TNRC18: variants seen among roughly 807,000 people sequenced by gnomAD.
TNRC18 encodes trinucleotide repeat containing 18.
Under a neutral mutation model 226.7 loss-of-function variants are expected in TNRC18, and 69 were observed. That is an observed-to-expected ratio of 0.30 (90% confidence interval 0.25 to 0.37). The LOEUF is 0.37. Ranked by LOEUF, TNRC18 falls within the 10% of genes least tolerant of loss-of-function variation. The probability of loss-of-function intolerance (pLI) is 1.00; values close to 1 mark genes in which losing one functional copy is unlikely to be tolerated. For synonymous variants in TNRC18, 2,449 were observed against 1,927.6 expected, an observed-to-expected ratio of 1.27 and a Z score of -7.09; for missense variants, 4,754 against 4,256.6, an observed-to-expected ratio of 1.12 and a Z score of -3.25.
At position 5,333,029 on chromosome 7, in the gene TNRC18, C is replaced by T. The variant is rs1789712362; in HGVS notation, c.5740G>A (p.Asp1914Asn). ...SLLGTEFEYT[D>N]SESEVKVRKR... ...CGCACCTTGACCTCGCTCTCTGAGTCGGTGTACTCGAACTCTGTGCCTGAA... is the reference window on the plus strand; with the variant it reads ...CGCACCTTGACCTCGCTCTCTGAGTTGGTGTACTCGAACTCTGTGCCTGAA... Residue 1914 changes from aspartate (D) to asparagine (N), a missense_variant, in exon 19 of 30, where the codon GAC (aspartate) becomes AAC (asparagine). Physicochemically the swap from Asp to Asn is conservative, Grantham distance 23. Coordinates refer to ENST00000430969, the MANE Select transcript of TNRC18 (RefSeq NM_001080495.3). 6.3e-7 allele frequency: 1 copy of T among 1,577,448 alleles called. No homozygotes were observed. Among genetic ancestry groups the T allele is most frequent in the South Asian group, 1.1e-5 (1 of 87,488 alleles).
At chr7:5,365,026 GGGGGGC>G (rs150627195) in intron 11 of TNRC18, among the ~76,000 whole-genome samples, 39,716 of 151,696 alleles carry the variant, frequency 0.26, 5,124 homozygotes, top group Admixed American at 0.29. Flanking sequence ...GAATCATGTG[GGGGGGC>G]GGGGGCGGAA....
Position 5,361,706 on chromosome 7 carries a change from G to C in TNRC18, c.4549C>G (p.Pro1517Ala). 1 of 1,567,344 alleles carries C rather than the reference G, an allele frequency of 6.4e-7. No individual in the cohort carries two copies. Among genetic ancestry groups the C allele is most frequent in the Non-Finnish European group, 8.6e-7 (1 of 1,156,902 alleles). Residue 1517 changes from proline (P) to alanine (A), a missense_variant, in exon 14 of 30, where the codon CCC (proline) becomes GCC (alanine). Pro to Ala is a conservative substitution (Grantham distance 27). Transcript: ENST00000430969. ...CCTCTGCGTGCCAAGCTTCTATGGGGTTCCTCGCGCCTGTCCCTTAAAAAG... is the reference window on the plus strand; with the variant it reads ...CCTCTGCGTGCCAAGCTTCTATGGGCTTCCTCGCGCCTGTCCCTTAAAAAG... ...RRDSEDRREE[P>A]HRSLARRGPG...
rs767398229 is a variant in TNRC18, at chr7:5,313,419, C to G, written c.7472G>C (p.Gly2491Ala). 6.2e-7 allele frequency: 1 copy of G among 1,603,222 alleles called. No homozygotes were observed. The highest frequency in any genetic ancestry group is 8.5e-7 in the Non-Finnish European group (1 of 1,175,806). ...CAGGAGGCTCTTGGGCTCCTGCCAG[C>G]CCCCCGCCCCCGGATCCTCCCGGAG... ...LLLREDPGAGGWQEPKSLLSL... is the reference protein window; with the variant it reads ...LLLREDPGAGAWQEPKSLLSL... The change falls in exon 27 of 30, where the codon GGC becomes GCC. Residue 2491 changes from glycine (G) to alanine (A), a missense_variant. Transcript: ENST00000430969.
Position 5,332,848 on chromosome 7 carries a change from A to G in TNRC18, c.5921T>C (p.Leu1974Pro). 1 of 1,509,950 alleles carries G rather than the reference A, an allele frequency of 6.6e-7. No homozygotes were observed. Among genetic ancestry groups the G allele is most frequent in the Non-Finnish European group, 8.8e-7 (1 of 1,138,560 alleles). The allele number at this position is 1,509,950 out of a possible 1,614,324, so 93.5% of individuals were successfully genotyped here. Reference sequence around the variant, plus strand: ...GAAGCCAGGCTCCTTGGGGCCCCGCAGCTTCCGGGCCTTGCGCCCCTTCTC... The same window carrying G: ...GAAGCCAGGCTCCTTGGGGCCCCGCGGCTTCCGGGCCTTGCGCCCCTTCTC... ...AVEKGRKARK[L>P]RGPKEPGFEA... is the part of the protein sequence containing the mutation. The change falls in exon 19 of 30, where the codon CTG (leucine) becomes CCG (proline). Residue 1974 changes from leucine (L) to proline (P), a missense_variant. Transcript: ENST00000430969.
Position 5,307,518 on chromosome 7 carries a change from T to G in TNRC18, c.*588A>C, listed in dbSNP as rs1786665299. 2 of 446,960 alleles carry G rather than the reference T, an allele frequency of 4.5e-6. No individual in the cohort carries two copies. Among genetic ancestry groups the G allele is most frequent in the Non-Finnish European group, 9.0e-6 (2 of 222,844 alleles). The allele number at this position is 446,960 out of a possible 1,614,324, so 27.7% of individuals were successfully genotyped here. ...TCCACCTGGTGCCTTTGACAGACACTCCGGGCTGCAACCCCACCCGGCTCT... is the reference window on the plus strand; with the variant it reads ...TCCACCTGGTGCCTTTGACAGACACGCCGGGCTGCAACCCCACCCGGCTCT... On this transcript the variant is annotated 3_prime_UTR_variant, in exon 30 of 30. Transcript: ENST00000430969.
intron 4 of TNRC18, chr7:5,390,273 G>C (rs1780187865): frequency 1.7e-6 from 1 of 572,296 alleles, no homozygotes. Flanking sequence ...GCTGAGTCAG[G>C]TGCATCATTT....
intron 17 of TNRC18, among the ~76,000 whole-genome samples, chr7:5,346,341 G>A (rs1399152893): frequency 6.6e-6 from 1 of 152,156 alleles, no homozygotes; most frequent in African/African-American, 2.4e-5. Flanking sequence ...GACTCTTCCT[G>A]GGGGCCAGGG....
chr7:5,381,942 G>T (rs1220012103), intron 5 of TNRC18, among the ~76,000 whole-genome samples: 1 of 151,974 alleles, frequency 6.6e-6, no homozygotes, highest in Non-Finnish European at 1.5e-5. Context: ...CTCCAGCCTG[G>T]GCGACAGAGT....
chr7:5,422,278 G>A (rs1782631501), intron 1 of TNRC18, among the ~76,000 whole-genome samples: 1 of 152,134 alleles, frequency 6.6e-6, no homozygotes, highest in Admixed American at 6.5e-5. Context: ...GGATTTGGGG[G>A]ATGTCAAGAG....
chr7:5,397,546 G>A (rs1780781748), intron 2 of TNRC18, among the ~76,000 whole-genome samples: 2 of 152,092 alleles, frequency 1.3e-5, no homozygotes, highest in Non-Finnish European at 2.9e-5. Context: ...CTGCCACTCT[G>A]TAAAATGGAC....
At chr7:5,392,833 C>G (rs916352653) in intron 3 of TNRC18, among the ~76,000 whole-genome samples, 1 of 152,024 alleles carries the variant, frequency 6.6e-6, no homozygotes, top group African/African-American at 2.4e-5. Flanking sequence ...CATGGTGAAA[C>G]CCCAACTCCA....
In TNRC18 at chr7:5,388,654, G is replaced by C. The variant is rs1192886482; in HGVS notation, c.1170C>G (p.Ile390Met). 2.3e-6 allele frequency: 3 copies of C among 1,277,312 alleles called. No individual in the cohort carries two copies. Among genetic ancestry groups the C allele is most frequent in the South Asian group, 2.0e-5 (1 of 49,940 alleles). 79.1% of individuals were successfully genotyped at this position (1,277,312 alleles called of 1,614,324 possible). A position where few individuals can be genotyped will look rare whatever the true frequency, so the allele number is the denominator to read the frequency against. Reference protein sequence around the residue: ...AFDERPGPIQIASQARDARAR... With the variant: ...AFDERPGPIQMASQARDARAR... ...CCCGGGCATCGCGCGCCTGGGATGC[G>C]ATCTGGATGGGCCCCGGGCGCTCGT... The change falls in exon 5 of 30, where the codon ATC (isoleucine) becomes ATG (methionine). Residue 390 changes from isoleucine to methionine, a missense_variant. Transcript: ENST00000430969.
intron 8 of TNRC18, 107 bp downstream of exon 8, chr7:5,376,740 C>T (rs1313991527): frequency 9.3e-6 from 13 of 1,399,086 alleles, no homozygotes; most frequent in Admixed American, 2.2e-5. Flanking sequence ...TCCCCAGCCC[C>T]AGATCTGCCG....
rs201028444 is a variant in TNRC18, at chr7:5,376,184, G to T, written c.2649C>A (p.Pro883=). Residue 883 remains proline, a synonymous_variant, in exon 9 of 30, where the codon CCC becomes CCA. Coordinates refer to ENST00000430969, the MANE Select transcript of TNRC18 (RefSeq NM_001080495.3). ...GGCTGCGGCCCGGCGGGTACAGGGCGGGCCAGAGGGGCGGTACGGTGGCCC... is the reference window on the plus strand; with the variant it reads ...GGCTGCGGCCCGGCGGGTACAGGGCTGGCCAGAGGGGCGGTACGGTGGCCC... ...MERATVPPLW[P]ALYPPGRSPL... 1.3e-6 allele frequency: 2 copies of T among 1,550,970 alleles called. No individual in the cohort carries two copies. The highest frequency in any genetic ancestry group is 1.2e-5 in the South Asian group (1 of 83,024).
chr7:5,404,366 G>A (rs1419032528), intron 2 of TNRC18, among the ~76,000 whole-genome samples: 4 of 151,744 alleles, frequency 2.6e-5, no homozygotes, highest in South Asian at 2.1e-4. Context: ...GCAAGACTCC[G>A]TCTTGAGAAA....
chr7:5,388,991 G>A lies in TNRC18; in HGVS notation c.833C>T (p.Pro278Leu), dbSNP rs541723803. Residue 278 changes from proline (P) to leucine (L), a missense_variant, in exon 5 of 30, where the codon CCG becomes CTG. Coordinates refer to ENST00000430969, the MANE Select transcript of TNRC18 (RefSeq NM_001080495.3). ...ESKTKNAALQPSVLTMCNGGA... is the reference protein window; with the variant it reads ...ESKTKNAALQLSVLTMCNGGA... ...GCCGTTGCACATGGTCAGTACCGAC[G>A]GCTGCAGCGCCGCATTCTTGGTCTT... 167 of 1,370,776 alleles carry A rather than the reference G, an allele frequency of 1.2e-4. 1 individual carries two copies. In the South Asian group the frequency reaches 1.9e-3, roughly 16 times the overall value. 84.9% of individuals were successfully genotyped at this position (1,370,776 alleles called of 1,614,324 possible). A position where few individuals can be genotyped will look rare whatever the true frequency, so the allele number is the denominator to read the frequency against.
At position 5,370,376 on chromosome 7, in the gene TNRC18, T is replaced by A. The variant is rs1346635580; in HGVS notation, c.4218A>T (p.Gly1406=). ...LELERRSQEM[G]GAERALVARP... The stretch of plus-strand genomic sequence containing the variant: ...AACTCAGAGGTCGCGCACTCTCACC[T>A]CCCATCTCTTGGCTCCTCCTCTCCA... Residue 1406 remains glycine, a splice_region_variant and synonymous_variant, in exon 11 of 30, where the codon GGA becomes GGT. Transcript: ENST00000430969. 6.5e-7 allele frequency: 1 copy of A among 1,543,340 alleles called. No homozygotes were observed. Among genetic ancestry groups the A allele is most frequent in the Admixed American group, 2.0e-5 (1 of 50,898 alleles).
At chr7:5,408,551 T>G (rs1013609528) in intron 2 of TNRC18, among the ~76,000 whole-genome samples, 3 of 150,964 alleles carry the variant, frequency 2.0e-5, no homozygotes, top group Admixed American at 6.6e-5. Context: ...GGCAGGAGAA[T>G]CGCTTGAACC....
intron 15 of TNRC18, among the ~76,000 whole-genome samples, chr7:5,358,994 T>C (rs1054496821): frequency 3.3e-5 from 5 of 152,186 alleles, no homozygotes; most frequent in African/African-American, 1.2e-4. Context: ...AGAGAGGAAA[T>C]TACCATGGCA....
Sources: allele counts gnomAD v4.1 joint callset (sites outside exome capture counted in the v4.1 genomes callset), GRCh38; gene constraint gnomAD v4.1.1; transcripts MANE v1.5; gene names NCBI Gene and HGNC (gene_info 2026-07-23, HGNC 2026-07-21).